The following ACACB variants were observed in gnomAD, a reference collection of about 807,000 sequenced individuals.
ACACB encodes the protein acetyl-CoA carboxylase 2.
A neutral mutation model predicts 278.8 loss-of-function variants in ACACB; 209 were observed. That is an observed-to-expected ratio of 0.75 (90% CI 0.67 to 0.84). The LOEUF (loss-of-function observed/expected upper bound fraction) is 0.84. ACACB is among the 40% of genes least tolerant of loss of function. ACACB has a pLI of 0.00. For synonymous variants in ACACB, 1,174 were observed against 1,285.6 expected (o/e 0.91, Z 1.86); for missense variants, 2,850 against 3,269.0 (o/e 0.87, Z 3.13).
chr12:109,193,827 C>A, intron 16 of ACACB, 98 bp downstream of exon 16: 2 of 1,106,822 alleles, frequency 1.8e-6, no homozygotes, highest in Non-Finnish European at 1.3e-6. Context: ...TTTGCTCATG[C>A]TTGGGTTTGA....
At chr12:109,119,213 G>A (rs1258676176) in intron 1 of ACACB, among the ~76,000 whole-genome samples, 1 of 152,142 alleles carries the variant, frequency 6.6e-6, no homozygotes, top group East Asian at 1.9e-4. Flanking sequence ...CAAGTCTGCT[G>A]TACTCCAGAA....
rs73191162 is a variant in ACACB, at chr12:109,222,793, C to T, written c.3679-6C>T. ...CACGCCAGCGCCCCCATCCCTCCCC[C>T]TGCAGATCCTGATTGCCTCCCACCT... On this transcript the variant is annotated splice_region_variant and splice_polypyrimidine_tract_variant and intron_variant, in intron 25 of 52. Coordinates refer to ENST00000338432, the MANE Select transcript of ACACB (RefSeq NM_001093.4). 0.035 allele frequency: 55,751 copies of T among 1,611,142 alleles called. 1,155 individuals carry two copies. Among genetic ancestry groups the T allele is most frequent in the Middle Eastern group, 0.041 (247 of 6,056 alleles).
At chr12:109,180,135 G>A in intron 11 of ACACB, 48 bp downstream of exon 11, 1 of 1,585,066 alleles carries the variant, frequency 6.3e-7, no homozygotes, top group South Asian at 1.1e-5. Context: ...CCTGGGTCAG[G>A]GGTCCATGTG....
Position 109,258,253 on chromosome 12 carries a change from G to T in ACACB, c.6264-15G>T, listed in dbSNP as rs758395614. 2.4e-5 allele frequency: 39 copies of T among 1,607,662 alleles called. No homozygotes were observed. In the East Asian group the frequency reaches 2.7e-4, roughly 11 times the overall value. On this transcript the variant is annotated splice_polypyrimidine_tract_variant and intron_variant, in intron 45 of 52. Transcript: ENST00000338432. ...GTGCTGCCCAGGGCCTGGCTCACTG[G>T]TGCTCATTTTCCAGGCTTGGGGGGA...
rs771310078 is a variant in ACACB, at chr12:109,249,984, A to AT, written c.5671dup (p.Tyr1891LeufsTer11). 1 of 1,611,632 alleles carries AT rather than the reference A, an allele frequency of 6.2e-7. No individual in the cohort carries two copies. The highest frequency in any genetic ancestry group is 2.2e-5 in the East Asian group (1 of 44,734). Reference sequence around the variant, plus strand: ...CTTTAACCTGTGCTTGCTTTTGAAGATACATGATCACGGATATCATCGGGA... The same window carrying AT: ...CTTTAACCTGTGCTTGCTTTTGAAGATTACATGATCACGGATATCATCGGGA... On this transcript the variant is annotated frameshift_variant and splice_region_variant, in exon 41 of 53. Coordinates refer to ENST00000338432, the MANE Select transcript of ACACB (RefSeq NM_001093.4). LOFTEE classifies it high-confidence loss of function.
chr12:109,202,301 GTTAGTA>G (rs1346406764), intron 19 of ACACB, among the ~76,000 whole-genome samples: 1 of 152,032 alleles, frequency 6.6e-6, no homozygotes, highest in Non-Finnish European at 1.5e-5. Flanking sequence ...TCAATTAATT[GTTAGTA>G]TTATTATTAT....
chr12:109,111,812 TA>T (rs1047384556), upstream of ACACB, among the ~76,000 whole-genome samples: 1 of 152,178 alleles, frequency 6.6e-6, no homozygotes, highest in Non-Finnish European at 1.5e-5. Context: ...ATGCATTTCT[TA>T]AAAGGGCAGG....
chr12:109,229,797 T>C (rs764130272), intron 28 of ACACB, among the ~76,000 whole-genome samples: 1 of 152,132 alleles, frequency 6.6e-6, no homozygotes, highest in Non-Finnish European at 1.5e-5. Context: ...CCTCCCAAAG[T>C]GATGGGATGA....
Position 109,258,275 on chromosome 12 carries a change from G to C in ACACB, c.6271G>C (p.Gly2091Arg). Residue 2091 changes from glycine (G) to arginine (R), a missense_variant, in exon 46 of 53, where the codon GGG (glycine) becomes CGG (arginine). Gly to Arg is a moderately radical substitution (Grantham distance 125). Coordinates refer to ENST00000338432, the MANE Select transcript of ACACB (RefSeq NM_001093.4). ...CTGGTGCTCATTTTCCAGGCTTGGG[G>C]GGATTCCCGTGGGAGTGATTGCTGT... The part of the protein sequence containing the change: ...TVVTGRARLG[G>R]IPVGVIAVET... 1 of 1,612,248 alleles carries C rather than the reference G, an allele frequency of 6.2e-7. No individual in the cohort carries two copies. The highest frequency in any genetic ancestry group is 8.5e-7 in the Non-Finnish European group (1 of 1,179,646).
intron 41 of ACACB, 103 bp from the exon 42 acceptor site, chr12:109,251,943 C>A: frequency 1.2e-6 from 1 of 828,036 alleles, no homozygotes; most frequent in Non-Finnish European, 1.8e-6. Flanking sequence ...TTGGTCAAAA[C>A]ATAACTTCCA....
chr12:109,112,330 G>T (rs1170446135), upstream of ACACB, among the ~76,000 whole-genome samples: 4 of 144,384 alleles, frequency 2.8e-5, no homozygotes, highest in Non-Finnish European at 3.0e-5. Context: ...CTTTAGTCAT[G>T]TGGTGACACT....
chr12:109,170,116 G>T (rs1023991657), intron 4 of ACACB, among the ~76,000 whole-genome samples: 6 of 151,678 alleles, frequency 4.0e-5, no homozygotes, highest in African/African-American at 1.5e-4. Flanking sequence ...TTGTTTGTTT[G>T]TTGTTGCTTT....
At chr12:109,175,801 A>T in intron 7 of ACACB, 130 bp from the exon 8 acceptor site, 1 of 685,758 alleles carries the variant, frequency 1.5e-6, no homozygotes, top group Non-Finnish European at 2.6e-6. Flanking sequence ...AGCTGAAGGG[A>T]GTGTCTGTAT....
chr12:109,226,061 G>GT (rs2046303649), intron 27 of ACACB, among the ~76,000 whole-genome samples: 1 of 151,544 alleles, frequency 6.6e-6, no homozygotes, highest in South Asian at 2.1e-4. Context: ...GAACTCAGGA[G>GT]TTGCAGACCA....
At chr12:109,174,307 G>C in intron 7 of ACACB, 77 bp downstream of exon 7, 1 of 1,119,196 alleles carries the variant, frequency 8.9e-7, no homozygotes, top group South Asian at 1.6e-5. Context: ...GGTGACAGAA[G>C]TATGCTTGTA....
At chr12:109,140,889 TC>T in intron 2 of ACACB, among the ~76,000 whole-genome samples, 1 of 139,196 alleles carries the variant, frequency 7.2e-6, no homozygotes, top group Non-Finnish European at 1.5e-5. Flanking sequence ...ATTCATTCAT[TC>T]TTTTTTTTTT....
At chr12:109,199,181 C>T (rs924510897) in intron 17 of ACACB, among the ~76,000 whole-genome samples, 1 of 151,702 alleles carries the variant, frequency 6.6e-6, no homozygotes, top group Admixed American at 6.6e-5. Context: ...CAGAGCGAGA[C>T]TCCGTCTCAA....
rs1340797160 is a variant in ACACB at position 109,179,317 on chromosome 12, G to C, written c.1647+20G>C. 1 of 1,607,198 alleles carries C rather than the reference G, an allele frequency of 6.2e-7. No individual in the cohort carries two copies. Among genetic ancestry groups the C allele is most frequent in the Admixed American group, 1.7e-5 (1 of 59,260 alleles). On this transcript the variant is annotated intron_variant, in intron 10 of 52. Transcript: ENST00000338432. ...GAGCAGGTACACTTCTCAGAGCCCA[G>C]GGGGCAGCTTCAGAGAGAGCCGTCT...
chr12:109,226,635 G>T (rs990941707), intron 27 of ACACB, among the ~76,000 whole-genome samples: 6 of 147,008 alleles, frequency 4.1e-5, no homozygotes, highest in Non-Finnish European at 8.9e-5. Context: ...GGAGGAGGAG[G>T]TTGTGGTGAG....
Sources: gnomAD v4.1 joint callset for allele counts (sites outside exome capture counted in the v4.1 genomes callset) on GRCh38, gnomAD v4.1.1 for gene constraint, MANE v1.5 for transcripts, NCBI Gene and HGNC (gene_info 2026-07-23, HGNC 2026-07-21) for gene names.